HMGCLL1: variants seen among roughly 807,000 people sequenced by gnomAD.
HMGCLL1 encodes the protein 3-hydroxymethyl-3-methylglutaryl-CoA lyase, cytoplasmic.
HMGCLL1 carries 36 observed loss-of-function variants against 39.1 expected under a neutral mutation model. The ratio of observed to expected loss-of-function variants is 0.92; its 90% CI spans 0.71 to 1.22. HMGCLL1 has a LOEUF of 1.22. Ranked by LOEUF, HMGCLL1 falls within the 50% of genes most tolerant of loss-of-function variation. The probability of loss-of-function intolerance (pLI) is 0.00; values close to 1 mark genes in which losing one functional copy is unlikely to be tolerated. For synonymous variants in HMGCLL1, 149 were observed against 144.0 expected (o/e 1.03, Z -0.25); for missense variants, 451 against 416.5 (o/e 1.08, Z -0.72).
intron 7 of HMGCLL1, among the ~76,000 whole-genome samples, chr6:55,452,320 A>G (rs539456456): frequency 6.4e-4 from 98 of 152,344 alleles, no homozygotes; most frequent in African/African-American, 2.2e-3. Flanking sequence ...ACCCAGACTT[A>G]GAACAGACAA....
In HMGCLL1 at chr6:55,514,012, A is replaced by G. The variant is rs1277315882; in HGVS notation, c.542+36T>C. Reference sequence around the variant, plus strand: ...TTTTGAGTAAGCTTTAACAATAAACATTAACAAAACAGAATTTGTGGGATT... The same window carrying G: ...TTTTGAGTAAGCTTTAACAATAAACGTTAACAAAACAGAATTTGTGGGATT... On this transcript the variant is annotated intron_variant, in intron 5 of 8. Transcript: ENST00000274901. 3.8e-6 allele frequency: 6 copies of G among 1,592,390 alleles called. No individual in the cohort carries two copies. In the South Asian group the frequency reaches 6.9e-5, roughly 18 times the overall value.
the HMGCLL1 span, among the ~76,000 whole-genome samples, chr6:55,667,174 T>G: frequency 5.9e-5 from 9 of 151,782 alleles, no homozygotes; most frequent in African/African-American, 1.9e-4. Context: ...GCCCTTTAAT[T>G]TATGAATCAC....
the HMGCLL1 span, among the ~76,000 whole-genome samples, chr6:55,622,813 T>C: frequency 6.6e-6 from 1 of 152,190 alleles, no homozygotes; most frequent in Non-Finnish European, 1.5e-5. Context: ...CCCCTGTTTT[T>C]TGTAGCATAG....
At chr6:55,659,089 C>T in the HMGCLL1 span, among the ~76,000 whole-genome samples, 1 of 151,774 alleles carries the variant, frequency 6.6e-6, no homozygotes, top group Admixed American at 6.6e-5. Flanking sequence ...GAAGGGGACA[C>T]ATGTAATGGA....
At chr6:55,530,597 A>G (rs1768607086) in intron 3 of HMGCLL1, among the ~76,000 whole-genome samples, 1 of 152,134 alleles carries the variant, frequency 6.6e-6, no homozygotes, top group African/African-American at 2.4e-5. Flanking sequence ...AAAAACGTAT[A>G]TTCTTTTTCT....
intron 7 of HMGCLL1, among the ~76,000 whole-genome samples, chr6:55,472,772 T>C (rs1391006534): frequency 6.6e-6 from 1 of 151,502 alleles, no homozygotes; most frequent in Non-Finnish European, 1.5e-5. Flanking sequence ...AACAAACTGC[T>C]TGATAGTGCT....
chr6:55,496,660 T>TA (rs1326090051), intron 6 of HMGCLL1, among the ~76,000 whole-genome samples: 1 of 152,050 alleles, frequency 6.6e-6, no homozygotes, highest in African/African-American at 2.4e-5. Context: ...AATGAACTCA[T>TA]AGGAAGTGCA....
At chr6:55,673,861 G>A in the HMGCLL1 span, among the ~76,000 whole-genome samples, 53,010 of 151,590 alleles carry the variant, frequency 0.35, 9,622 homozygotes, top group African/African-American at 0.44. Flanking sequence ...GTTATGGTCA[G>A]TTTTGTTGTT....
At chr6:55,659,576 C>G in the HMGCLL1 span, among the ~76,000 whole-genome samples, 1 of 151,876 alleles carries the variant, frequency 6.6e-6, no homozygotes, top group East Asian at 1.9e-4. Context: ...TTCCAGACTT[C>G]TCATATCTAT....
At chr6:55,666,506 T>A in the HMGCLL1 span, among the ~76,000 whole-genome samples, 1 of 151,782 alleles carries the variant, frequency 6.6e-6, no homozygotes, top group Non-Finnish European at 1.5e-5. Context: ...TGTTATTGCA[T>A]CTAATATTAC....
chr6:55,586,583 C>T, the HMGCLL1 span, among the ~76,000 whole-genome samples: 2 of 150,746 alleles, frequency 1.3e-5, no homozygotes, highest in African/African-American at 4.9e-5. Flanking sequence ...TGTGATGTTC[C>T]CCTTCCTGTG....
At chr6:55,472,984 T>C (rs1188907279) in intron 7 of HMGCLL1, among the ~76,000 whole-genome samples, 1 of 151,526 alleles carries the variant, frequency 6.6e-6, no homozygotes, top group African/African-American at 2.4e-5. Flanking sequence ...TTTATCATTA[T>C]ATAACATACT....
chr6:55,503,640 T>A (rs1767009567), intron 5 of HMGCLL1, among the ~76,000 whole-genome samples: 1 of 151,682 alleles, frequency 6.6e-6, no homozygotes, highest in Non-Finnish European at 1.5e-5. Context: ...AAGTGCCTCA[T>A]GTATATTACA....
At chr6:55,519,730 A>C (rs112173012) in intron 3 of HMGCLL1, among the ~76,000 whole-genome samples, 88 of 152,262 alleles carry the variant, frequency 5.8e-4, no homozygotes, top group Middle Eastern at 3.4e-3. Flanking sequence ...ATAAGTATTT[A>C]TTAGAGACAT....
At chr6:55,658,516 A>C in the HMGCLL1 span, among the ~76,000 whole-genome samples, 1 of 151,942 alleles carries the variant, frequency 6.6e-6, no homozygotes, top group Admixed American at 6.6e-5. Flanking sequence ...TTCCTCTGCA[A>C]ACCCCATGGA....
Position 55,514,190 on chromosome 6 carries a change from C to G in HMGCLL1, c.400G>C (p.Ala134Pro), listed in dbSNP as rs1426685554. Reference sequence around the variant, plus strand: ...AAAACTGATATCTCAGTAGCTCCAGCAGCAACCTGAAAAATATATAATTTA... The same window carrying G: ...AAAACTGATATCTCAGTAGCTCCAGGAGCAACCTGAAAAATATATAATTTA... ...NLQGFHHAVA[A>P]GATEISVFGA... Residue 134 changes from alanine (A) to proline (P), a missense_variant, in exon 5 of 9, where the codon GCT becomes CCT. By Grantham distance (27) the Ala-to-Pro change is conservative. Coordinates refer to ENST00000274901, the MANE Select transcript of HMGCLL1 (RefSeq NM_001042406.2). 1.3e-6 allele frequency: 2 copies of G among 1,598,356 alleles called. No homozygotes were observed. The highest frequency in any genetic ancestry group is 3.6e-5 in the Admixed American group (2 of 55,726).
At chr6:55,647,139 C>G in the HMGCLL1 span, among the ~76,000 whole-genome samples, 27 of 151,892 alleles carry the variant, frequency 1.8e-4, no homozygotes, top group Non-Finnish European at 3.2e-4. Flanking sequence ...AAATTATGAA[C>G]TTTATCATTA....
At chr6:55,534,442 T>G (rs191062483) in intron 3 of HMGCLL1, among the ~76,000 whole-genome samples, 1 of 152,318 alleles carries the variant, frequency 6.6e-6, no homozygotes, top group East Asian at 1.9e-4. Context: ...TTACAAGGCT[T>G]GGTTATAAAA....
intron 3 of HMGCLL1, among the ~76,000 whole-genome samples, chr6:55,521,173 G>C (rs1003827221): frequency 6.6e-6 from 1 of 152,020 alleles, no homozygotes; most frequent in Non-Finnish European, 1.5e-5. Context: ...ATGTTCCCCA[G>C]ACAATGGCAA....
Sources: allele counts gnomAD v4.1 joint callset (sites outside exome capture counted in the v4.1 genomes callset), GRCh38; gene constraint gnomAD v4.1.1; transcripts MANE v1.5; gene names NCBI Gene and HGNC (gene_info 2026-07-23, HGNC 2026-07-21).